Variants in KALRN observed in about 807,000 individuals in gnomAD.
KALRN encodes kalirin RhoGEF kinase.
A neutral mutation model predicts 353.7 loss-of-function variants in KALRN; 70 were observed. The observed-to-expected ratio is 0.20, with a 90% CI of 0.16 to 0.24. The LOEUF is 0.24. Ranked by LOEUF, KALRN falls within the 10% of genes least tolerant of loss-of-function variation. The pLI, the probability that KALRN is intolerant of heterozygous loss-of-function variation, is 1.00. For synonymous variants in KALRN, 1,391 were observed against 1,434.8 expected, an observed-to-expected ratio of 0.97 and a Z score of 0.69; for missense variants, 2,791 against 3,756.7, an observed-to-expected ratio of 0.74 and a Z score of 6.72.
At chr3:124,304,150 A>G (rs955270385) in intron 6 of KALRN, among the ~76,000 whole-genome samples, 11 of 150,654 alleles carry the variant, frequency 7.3e-5, no homozygotes, top group Admixed American at 3.3e-4. Flanking sequence ...ACACACACAC[A>G]CACACACACA....
rs2150563309 is a variant in KALRN at position 124,690,184 on chromosome 3, A to C, written c.7378-3620A>C. Among the ~76,000 whole-genome samples, 2 of 152,356 alleles carry C rather than the reference A, an allele frequency of 1.3e-5. 1 individual carries two copies. Among genetic ancestry groups the C allele is most frequent in the South Asian group, 4.1e-4 (2 of 4,820 alleles). On this transcript the variant is annotated intron_variant, in intron 51 of 59. Coordinates refer to ENST00000682506, the MANE Select transcript of KALRN (RefSeq NM_001388419.1). ...CAATATGGCCCATTAGAATTCAAAA[A>C]AAGAGAAAATAAAAAATTTAAGAAT...
At chr3:124,318,752 A>G (rs879744070) in intron 6 of KALRN, among the ~76,000 whole-genome samples, 1 of 152,194 alleles carries the variant, frequency 6.6e-6, no homozygotes, top group Non-Finnish European at 1.5e-5. Context: ...ACTTAAGTTA[A>G]TATAAGCTGC....
intron 37 of KALRN, among the ~76,000 whole-genome samples, chr3:124,644,367 T>G (rs989823155): frequency 6.6e-6 from 1 of 152,180 alleles, no homozygotes; most frequent in African/African-American, 2.4e-5. Context: ...AGGATACATG[T>G]GCAGAGCGTG....
At chr3:124,544,936 C>T (rs2069459806) in intron 33 of KALRN, among the ~76,000 whole-genome samples, 1 of 152,174 alleles carries the variant, frequency 6.6e-6, no homozygotes, top group African/African-American at 2.4e-5. Context: ...CTGACCAAAG[C>T]CACTGTGTGG....
chr3:124,542,655 A>G (rs2069158632), intron 33 of KALRN, among the ~76,000 whole-genome samples: 1 of 152,178 alleles, frequency 6.6e-6, no homozygotes, highest in Non-Finnish European at 1.5e-5. Flanking sequence ...TGCTTTGTTC[A>G]GAGAGAATAA....
chr3:124,210,976 T>C (rs1370299198), intron 1 of KALRN, among the ~76,000 whole-genome samples: 1 of 152,228 alleles, frequency 6.6e-6, no homozygotes, highest in Admixed American at 6.5e-5. Flanking sequence ...CAAAGCATGC[T>C]CTCTGGAGGC....
Position 124,720,696 on chromosome 3 carries a change from A to T in KALRN, c.*1226A>T, listed in dbSNP as rs941763444. 1.3e-5 allele frequency: 2 copies of T among 152,426 alleles called. No homozygotes were observed. The highest frequency in any genetic ancestry group is 4.8e-5 in the African/African-American group (2 of 41,464). The allele number at this position is 152,426 out of a possible 1,614,324, so 9.4% of individuals were successfully genotyped here. ...GCCGCTGATAGTTCTCTGAACTAAA[A>T]GGACTAATTGTACTTTGAGGCCAAT... On this transcript the variant is annotated 3_prime_UTR_variant, in exon 60 of 60. Transcript: ENST00000682506.
chr3:124,330,137 G>T (rs547736036), intron 8 of KALRN, 145 bp downstream of exon 8: 1 of 883,490 alleles, frequency 1.1e-6, no homozygotes, highest in African/African-American at 1.7e-5. Flanking sequence ...GACATCTTTA[G>T]GAACCTTGAT....
chr3:124,261,530 C>T (rs1428508017), intron 3 of KALRN, among the ~76,000 whole-genome samples: 1 of 152,186 alleles, frequency 6.6e-6, no homozygotes, highest in Non-Finnish European at 1.5e-5. Flanking sequence ...GCCTCTTTCT[C>T]CATCTCCTGA....
rs1412362065 is a variant in KALRN at position 124,722,167 on chromosome 3, G to A, written c.*2697G>A. ...AGGCCAGGGCCCAGAACAATGGTGT[G>A]CAGACCACGGCAGGTGGGGGACAAG... is the stretch of plus-strand genomic sequence containing the variant. On this transcript the variant is annotated 3_prime_UTR_variant, in exon 60 of 60. Transcript: ENST00000682506. 1 of 152,168 alleles carries A rather than the reference G, an allele frequency of 6.6e-6. No individual in the cohort carries two copies. The highest frequency in any genetic ancestry group is 2.4e-5 in the African/African-American group (1 of 41,406). The allele number at this position is 152,168 out of a possible 1,614,324, so 9.4% of individuals were successfully genotyped here. A position where few individuals can be genotyped will look rare whatever the true frequency, so the allele number is the denominator to read the frequency against.
chr3:124,106,270 G>A (rs990886227), intron 1 of KALRN, among the ~76,000 whole-genome samples: 21 of 152,286 alleles, frequency 1.4e-4, no homozygotes, highest in African/African-American at 4.8e-4. Context: ...AGGAAATGCA[G>A]TTCAGATGGT....
chr3:124,363,757 T>A (rs1180163480), intron 10 of KALRN, among the ~76,000 whole-genome samples: 1 of 152,224 alleles, frequency 6.6e-6, no homozygotes, highest in African/African-American at 2.4e-5. Context: ...CAGATTCCCA[T>A]GTGTAGCAGG....
chr3:124,353,964 G>T (rs1488314922), intron 10 of KALRN, among the ~76,000 whole-genome samples: 1 of 152,168 alleles, frequency 6.6e-6, no homozygotes, highest in African/African-American at 2.4e-5. Context: ...GCTGATGGGA[G>T]ACCATCTGGT....
chr3:124,422,211 T>C (rs540589342), intron 14 of KALRN, among the ~76,000 whole-genome samples: 2 of 152,334 alleles, frequency 1.3e-5, no homozygotes, highest in Non-Finnish European at 2.9e-5. Flanking sequence ...AGCTAGCTTA[T>C]ATTTCTAACA....
chr3:124,562,794 C>G, intron 33 of KALRN, 49 bp from the exon 34 acceptor site: 4 of 1,279,110 alleles, frequency 3.1e-6, no homozygotes, highest in Non-Finnish European at 4.1e-6. Flanking sequence ...TTTCTCCCCC[C>G]TTCCTCCATG....
intron 5 of KALRN, among the ~76,000 whole-genome samples, chr3:124,290,740 AG>A (rs1048832451): frequency 2.0e-5 from 3 of 152,192 alleles, no homozygotes; most frequent in African/African-American, 7.2e-5. Context: ...GGTTATTAGG[AG>A]GATTAAGTGA....
At chr3:124,088,546 G>C (rs1051067122) in intron 1 of KALRN, among the ~76,000 whole-genome samples, 1 of 152,184 alleles carries the variant, frequency 6.6e-6, no homozygotes, top group Non-Finnish European at 1.5e-5. Flanking sequence ...TGTTGCAGGA[G>C]AATGCACTAA....
rs955292400 is a variant in KALRN, at chr3:124,659,734, A to G, written c.6216+277A>G. ...CAATTCACATTCTTACTTTGTCTCA[A>G]TCATTGACTTGATACCTTTAAAAAA... On this transcript the variant is annotated intron_variant, in intron 43 of 59. Transcript: ENST00000682506. 2.0e-5 allele frequency among the ~76,000 whole-genome samples: 3 copies of G among 152,186 alleles called. No homozygotes were observed. The East Asian group carries it at 5.8e-4, about 29-fold the overall frequency.
intron 5 of KALRN, among the ~76,000 whole-genome samples, chr3:124,283,193 C>T (rs1427636622): frequency 6.6e-6 from 1 of 152,208 alleles, no homozygotes; most frequent in East Asian, 1.9e-4. Context: ...ACAGACACTC[C>T]ATTTTTGCAG....
Sources: allele counts gnomAD v4.1 joint callset (sites outside exome capture counted in the v4.1 genomes callset), GRCh38; gene constraint gnomAD v4.1.1; transcripts MANE v1.5; gene names NCBI Gene and HGNC (gene_info 2026-07-23, HGNC 2026-07-21).